Variants in GTPBP10 observed in about 807,000 individuals in gnomAD.
The protein encoded by GTPBP10 is GTP-binding protein 10.
GTPBP10 carries 38 observed loss-of-function variants against 44.8 expected under a neutral mutation model. The ratio of observed to expected loss-of-function variants is 0.85; its 90% CI spans 0.65 to 1.11. The LOEUF (loss-of-function observed/expected upper bound fraction) is 1.11, where lower values mean the gene tolerates loss of function less well. Among genes scored for constraint, GTPBP10 ranks in the 50% most tolerant of loss-of-function variants. The pLI is 0.00. For missense variants in GTPBP10, 462 were observed against 453.7 expected (o/e 1.02, Z -0.17); for synonymous variants, 152 against 150.6 (o/e 1.01, Z -0.07).
Position 90,377,597 on chromosome 7 carries a change from A to G in GTPBP10, c.682A>G (p.Arg228Gly), listed in dbSNP as rs1562960290. 2 of 1,605,468 alleles carry G rather than the reference A, an allele frequency of 1.2e-6. No individual in the cohort carries two copies. Among genetic ancestry groups the G allele is most frequent in the Non-Finnish European group, 1.7e-6 (2 of 1,173,876 alleles). The change falls in exon 7 of 10, where the codon AGA becomes GGA. Residue 228 changes from arginine to glycine, a missense_variant. Coordinates refer to ENST00000222511, the MANE Select transcript of GTPBP10 (RefSeq NM_033107.4). ...HKFLKHIERT[R>G]QLLFVVDISG... ...ATTCCTCAAGCATATAGAAAGAACT[A>G]GACAACTACTTTTTGTTGTAAGTCA...
intron 6 of GTPBP10, among the ~76,000 whole-genome samples, chr7:90,375,100 G>T (rs1052567425): frequency 1.3e-5 from 2 of 152,110 alleles, no homozygotes; most frequent in African/African-American, 4.8e-5. Context: ...CCTTAAATGC[G>T]TAATACTAAG....
chr7:90,355,237 A>G lies in GTPBP10; in HGVS notation c.464+7A>G, dbSNP rs1345904604. ...CTGATGTAGGCCTAGTAGGGTAAGTATCGTTCATATTTTTATTATTATACT... is the reference window on the plus strand; with the variant it reads ...CTGATGTAGGCCTAGTAGGGTAAGTGTCGTTCATATTTTTATTATTATACT... On this transcript the variant is annotated splice_region_variant and intron_variant, in intron 4 of 9. Coordinates refer to ENST00000222511, the MANE Select transcript of GTPBP10 (RefSeq NM_033107.4). 1.3e-6 allele frequency: 2 copies of G among 1,504,590 alleles called. No homozygotes were observed. Among genetic ancestry groups the G allele is most frequent in the Non-Finnish European group, 1.8e-6 (2 of 1,118,020 alleles). The allele number at this position is 1,504,590 out of a possible 1,614,324, so 93.2% of individuals were successfully genotyped here. A position where few individuals can be genotyped will look rare whatever the true frequency, so the allele number is the denominator to read the frequency against.
rs139656232 is a variant in GTPBP10 at position 90,390,544 on chromosome 7, A to G, written c.*5390A>G. On this transcript the variant is annotated 3_prime_UTR_variant, in exon 10 of 10. Coordinates refer to ENST00000222511, the MANE Select transcript of GTPBP10 (RefSeq NM_033107.4). The stretch of plus-strand genomic sequence containing the variant: ...ACAGGTAAGATAAGCTATGTGAAGC[A>G]TAGCTGTTATCCAAGTCGTGTGCCT... 2 of 152,354 alleles carry G rather than the reference A, an allele frequency of 1.3e-5. No individual in the cohort carries two copies. Among genetic ancestry groups the G allele is most frequent in the Non-Finnish European group, 2.9e-5 (2 of 68,040 alleles). 9.4% of individuals were successfully genotyped at this position (152,354 alleles called of 1,614,324 possible). A position where few individuals can be genotyped will look rare whatever the true frequency, so the allele number is the denominator to read the frequency against.
In GTPBP10 at chr7:90,355,230, GGTAA is replaced by G. The variant is rs1292926533; in HGVS notation, c.464+4_464+7del. 1 of 1,532,528 alleles carries G rather than the reference GGTAA, an allele frequency of 6.5e-7. No homozygotes were observed. Among genetic ancestry groups the G allele is most frequent in the South Asian group, 1.3e-5 (1 of 78,840 alleles). The allele number at this position is 1,532,528 out of a possible 1,614,324, so 94.9% of individuals were successfully genotyped here. ...CTTATAGCTGATGTAGGCCTAGTAG[GGTAA>G]GTATCGTTCATATTTTTATTATTAT... On this transcript the variant is annotated splice_donor_variant and splice_donor_region_variant and intron_variant, in intron 4 of 9. Transcript: ENST00000222511. LOFTEE classifies it high-confidence loss of function.
rs575956415 is a variant in GTPBP10 at position 90,354,985 on chromosome 7, T to C, written c.320-101T>C. 15 of 685,808 alleles carry C rather than the reference T, an allele frequency of 2.2e-5. No individual in the cohort carries two copies. In the Admixed American group the frequency reaches 3.6e-4, roughly 16 times the overall value. 42.5% of individuals were successfully genotyped at this position (685,808 alleles called of 1,614,324 possible). A position where few individuals can be genotyped will look rare whatever the true frequency, so the allele number is the denominator to read the frequency against. Reference sequence around the variant, plus strand: ...TTTCACTTACTAATCTATAGATTTGTAATTTTGCATTTCTTTGCCTGTATT... The same window carrying C: ...TTTCACTTACTAATCTATAGATTTGCAATTTTGCATTTCTTTGCCTGTATT... On this transcript the variant is annotated intron_variant, in intron 3 of 9. Coordinates refer to ENST00000222511, the MANE Select transcript of GTPBP10 (RefSeq NM_033107.4).
chr7:90,360,440 A>G (rs1795994670), intron 4 of GTPBP10, among the ~76,000 whole-genome samples: 1 of 152,198 alleles, frequency 6.6e-6, no homozygotes, highest in Admixed American at 6.5e-5. Flanking sequence ...GTCAAAGATC[A>G]GATGGTTGAA....
intron 4 of GTPBP10, among the ~76,000 whole-genome samples, chr7:90,370,087 T>G (rs17865347): frequency 0.028 from 4,328 of 152,170 alleles, 80 homozygotes; most frequent in African/African-American, 0.045. Context: ...ATGGGTACAC[T>G]AAAATTCACT....
At chr7:90,364,128 C>T (rs1486529229) in intron 4 of GTPBP10, among the ~76,000 whole-genome samples, 1 of 152,222 alleles carries the variant, frequency 6.6e-6, no homozygotes, top group Non-Finnish European at 1.5e-5. Context: ...GCCTTCTTCT[C>T]TCAACTCATC....
intron 8 of GTPBP10, among the ~76,000 whole-genome samples, chr7:90,381,888 T>A (rs1386565285): frequency 6.6e-6 from 1 of 152,190 alleles, no homozygotes; most frequent in Non-Finnish European, 1.5e-5. Flanking sequence ...ATTAGATCCT[T>A]ACTTCACACC....
chr7:90,349,306 G>T (rs1795743152), intron 1 of GTPBP10, among the ~76,000 whole-genome samples: 1 of 152,074 alleles, frequency 6.6e-6, no homozygotes, highest in African/African-American at 2.4e-5. Flanking sequence ...TGTTTAATGA[G>T]CCTTAAAGGT....
chr7:90,354,915 A>G (rs1266459919), intron 3 of GTPBP10, among the ~76,000 whole-genome samples, 171 bp from the exon 4 acceptor site: 1 of 152,188 alleles, frequency 6.6e-6, no homozygotes, highest in East Asian at 1.9e-4. Flanking sequence ...TGTAATTGAG[A>G]ATTTCCTGGC....
chr7:90,385,046 T>G lies in GTPBP10; in HGVS notation c.1056T>G (p.Asp352Glu). 1 of 1,613,980 alleles carries G rather than the reference T, an allele frequency of 6.2e-7. No homozygotes were observed. Among genetic ancestry groups the G allele is most frequent in the South Asian group, 1.1e-5 (1 of 91,080 alleles). ...SLDEQANQEN[D>E]ALHKKQLLNL... ...ATGAACAGGCCAACCAGGAAAATGATGCACTTCATAAGAAACAGTTGCTTA... is the reference window on the plus strand; with the variant it reads ...ATGAACAGGCCAACCAGGAAAATGAGGCACTTCATAAGAAACAGTTGCTTA... The change falls in exon 10 of 10, where the codon GAT (aspartate) becomes GAG (glutamate). Residue 352 changes from aspartate (D) to glutamate (E), a missense_variant. Physicochemically the swap from Asp to Glu is conservative, Grantham distance 45. Coordinates refer to ENST00000222511, the MANE Select transcript of GTPBP10 (RefSeq NM_033107.4).
chr7:90,351,076 AG>A (rs1409924651), intron 1 of GTPBP10, among the ~76,000 whole-genome samples: 3 of 152,204 alleles, frequency 2.0e-5, no homozygotes, highest in Non-Finnish European at 4.4e-5. Context: ...TGGCCTTTTA[AG>A]TGGCAACTTG....
rs572654111 is a variant in GTPBP10 at position 90,390,301 on chromosome 7, G to A, written c.*5147G>A. ...TGGATAGCTCAGAAGTATCAGTTGT[G>A]GTTATTGCCTCACTTGGCTTTTGTA... On this transcript the variant is annotated 3_prime_UTR_variant, in exon 10 of 10. Transcript: ENST00000222511. The A allele has an allele frequency of 5.9e-5, 9 of 152,262 alleles. No individual in the cohort carries two copies. The highest frequency in any genetic ancestry group is 8.8e-5 in the Non-Finnish European group (6 of 68,026). 9.4% of individuals were successfully genotyped at this position (152,262 alleles called of 1,614,324 possible). A position where few individuals can be genotyped will look rare whatever the true frequency, so the allele number is the denominator to read the frequency against.
At chr7:90,372,285 T>C (rs1241135789) in intron 5 of GTPBP10, 57 bp downstream of exon 5, 10 of 1,137,504 alleles carry the variant, frequency 8.8e-6, no homozygotes, top group Non-Finnish European at 1.3e-5. Flanking sequence ...TAAAGACTAA[T>C]ATTTCTCTGA....
chr7:90,368,516 T>C (rs979619866), intron 4 of GTPBP10, among the ~76,000 whole-genome samples: 20 of 152,178 alleles, frequency 1.3e-4, no homozygotes, highest in African/African-American at 4.8e-4. Context: ...AATTTTGTCT[T>C]CTCGCTTTAT....
chr7:90,348,394 TA>T (rs1257265169), intron 1 of GTPBP10, among the ~76,000 whole-genome samples: 1 of 152,204 alleles, frequency 6.6e-6, no homozygotes, highest in Non-Finnish European at 1.5e-5. Flanking sequence ...GCCTCACTGA[TA>T]ACATAAGCCG....
At chr7:90,359,664 G>A (rs1041027739) in intron 4 of GTPBP10, among the ~76,000 whole-genome samples, 1 of 152,138 alleles carries the variant, frequency 6.6e-6, no homozygotes, top group African/African-American at 2.4e-5. Flanking sequence ...CCCAGTAATG[G>A]GATGGCTGGG....
Position 90,374,419 on chromosome 7 carries a change from G to A in GTPBP10, c.591+65G>A, listed in dbSNP as rs577382351. ...AAGTACTTGGTTTTGGTACGTACTTGGATATTATAGTTTTTGCCTGTTTCT... is the reference window on the plus strand; with the variant it reads ...AAGTACTTGGTTTTGGTACGTACTTAGATATTATAGTTTTTGCCTGTTTCT... On this transcript the variant is annotated intron_variant, in intron 6 of 9. Transcript: ENST00000222511. The A allele has an allele frequency of 8.9e-6, 9 of 1,011,248 alleles. No individual in the cohort carries two copies. The African/African-American group carries it at 1.4e-4, about 16-fold the overall frequency. 62.6% of individuals were successfully genotyped at this position (1,011,248 alleles called of 1,614,324 possible).
Sources: allele counts gnomAD v4.1 joint callset (sites outside exome capture counted in the v4.1 genomes callset), GRCh38; gene constraint gnomAD v4.1.1; transcripts MANE v1.5; gene names NCBI Gene and HGNC (gene_info 2026-07-23, HGNC 2026-07-21).